USP34: variants seen among roughly 807,000 people sequenced by gnomAD.
The protein encoded by USP34 is ubiquitin specific peptidase 34, also known as ubiquitin carboxyl-terminal hydrolase 34.
Under a neutral mutation model 460.3 loss-of-function variants are expected in USP34, and 70 were observed. That is an observed-to-expected ratio of 0.15 (90% CI 0.13 to 0.19). The LOEUF is 0.19. USP34 is among the 10% of genes least tolerant of loss of function. The pLI, the probability that USP34 is intolerant of heterozygous loss-of-function variation, is 1.00. For missense variants in USP34, 3,985 were observed against 4,236.2 expected (o/e 0.94, Z 1.65); for synonymous variants, 1,647 against 1,405.3 (o/e 1.17, Z -3.85).
At chr2:61,212,023 ATTATACAAATAAGCTAGATTATAC>A in intron 68 of USP34, 94 bp from the exon 69 acceptor site, 1 of 1,322,526 alleles carries the variant, frequency 7.6e-7, no homozygotes, top group South Asian at 1.4e-5. Flanking sequence ...AACTCTTAAA[ATTATACAAATAAGCTAGATTATAC>A]TTCCATTCAG....
At chr2:61,406,850 C>CA (rs1022286412) in intron 2 of USP34, among the ~76,000 whole-genome samples, 1,977 of 142,062 alleles carry the variant, frequency 0.014, 38 homozygotes, top group African/African-American at 0.042. Flanking sequence ...ACTAAAAATG[C>CA]AAAAAAAAAA....
At chr2:61,247,690 T>C (rs1688453760) in intron 49 of USP34, among the ~76,000 whole-genome samples, 1 of 152,180 alleles carries the variant, frequency 6.6e-6, no homozygotes. Context: ...ACTGCACCTG[T>C]CTAATTTTTC....
chr2:61,248,924 T>C (rs1020528877), intron 48 of USP34, among the ~76,000 whole-genome samples: 2 of 152,214 alleles, frequency 1.3e-5, no homozygotes, highest in African/African-American at 2.4e-5. Context: ...AAAGCGAATT[T>C]AGAAATTAGG....
chr2:61,254,494 A>C (rs1234938952), intron 48 of USP34, among the ~76,000 whole-genome samples: 1 of 152,264 alleles, frequency 6.6e-6, no homozygotes, highest in Non-Finnish European at 1.5e-5. Context: ...AGGCTGGCCT[A>C]ATCCTAGATT....
intron 27 of USP34, among the ~76,000 whole-genome samples, chr2:61,310,059 C>T (rs1690540023): frequency 6.6e-6 from 1 of 152,012 alleles, no homozygotes; most frequent in East Asian, 1.9e-4. Context: ...ATTCAAAAAT[C>T]AAGACAGTGT....
chr2:61,394,870 T>A lies in USP34; in HGVS notation c.736A>T (p.Ile246Phe). Residue 246 changes from isoleucine to phenylalanine, a missense_variant, in exon 5 of 80, where the codon ATT (isoleucine) becomes TTT (phenylalanine). Around this residue, in one of 14 missense-constraint regions of USP34, gnomAD observed 331 missense variants for 293.7 expected, o/e 1.13. Transcript: ENST00000398571. ...ATACTTACATTAGACACAACTGTAA[T>A]AAACGCATGTGCTATAAGAAATGGC... ...TLPFLIAHAFITVVSNIRIWL... is the reference protein window; with the variant it reads ...TLPFLIAHAFFTVVSNIRIWL... 6.3e-7 allele frequency: 1 copy of A among 1,585,564 alleles called. No individual in the cohort carries two copies. Among genetic ancestry groups the A allele is most frequent in the Non-Finnish European group, 8.5e-7 (1 of 1,170,390 alleles).
chr2:61,452,385 C>T (rs2442030), intron 1 of USP34, among the ~76,000 whole-genome samples: 64,600 of 135,368 alleles, frequency 0.48, 15,184 homozygotes, highest in Middle Eastern at 0.57. Context: ...AGTGTAGTGG[C>T]GCGATCTCAG....
rs370536113 is a variant in USP34 at position 61,350,246 on chromosome 2, A to G, written c.1507+14T>C. 5.0e-6 allele frequency: 8 copies of G among 1,585,546 alleles called. No homozygotes were observed. Among genetic ancestry groups the G allele is most frequent in the South Asian group, 1.2e-5 (1 of 86,790 alleles). The stretch of plus-strand genomic sequence containing the variant: ...CTCTCAACAATTTACTTCAAAATAC[A>G]TGACATTACTAACCTTTCTTATTTC... On this transcript the variant is annotated intron_variant, in intron 12 of 79. Transcript: ENST00000398571.
At chr2:61,461,093 G>C (rs977688338) in intron 1 of USP34, among the ~76,000 whole-genome samples, 3 of 151,808 alleles carry the variant, frequency 2.0e-5, no homozygotes, top group Admixed American at 2.0e-4. Flanking sequence ...TTTGAATTTT[G>C]AAAGAAGGTA....
intron 3 of USP34, among the ~76,000 whole-genome samples, chr2:61,402,857 A>T (rs902920681): frequency 1.3e-5 from 2 of 152,170 alleles, no homozygotes; most frequent in African/African-American, 2.4e-5. Context: ...TATACATACA[A>T]AATTTATACA....
chr2:61,376,406 C>T (rs1692801472), intron 8 of USP34, among the ~76,000 whole-genome samples: 1 of 152,150 alleles, frequency 6.6e-6, no homozygotes, highest in Non-Finnish European at 1.5e-5. Flanking sequence ...ATGTATATTC[C>T]TTGCATTTGT....
chr2:61,301,514 A>G (rs1690224506), intron 27 of USP34, 60 bp from the exon 28 acceptor site: 1 of 1,438,864 alleles, frequency 6.9e-7, no homozygotes, highest in South Asian at 1.2e-5. Context: ...ACTTGCTGAT[A>G]AGAATATGTA....
chr2:61,401,676 G>A (rs2103922656), intron 3 of USP34, among the ~76,000 whole-genome samples: 1 of 148,048 alleles, frequency 6.8e-6, no homozygotes, highest in Middle Eastern at 3.4e-3. Flanking sequence ...AGCCTCCAGA[G>A]TAGCTGGGAC....
At chr2:61,461,966 G>T (rs375751494) in intron 1 of USP34, among the ~76,000 whole-genome samples, 1 of 152,082 alleles carries the variant, frequency 6.6e-6, no homozygotes, top group African/African-American at 2.4e-5. Flanking sequence ...TCAGCCAGAC[G>T]CGGTGGCTCA....
At chr2:61,445,352 A>C (rs960227072) in intron 1 of USP34, among the ~76,000 whole-genome samples, 1 of 150,386 alleles carries the variant, frequency 6.6e-6, no homozygotes, top group African/African-American at 2.4e-5. Context: ...TGGCTAACAC[A>C]GTGAAACCCC....
intron 1 of USP34, among the ~76,000 whole-genome samples, chr2:61,429,309 T>C (rs186838421): frequency 1.5e-4 from 23 of 152,194 alleles, no homozygotes; most frequent in Admixed American, 9.8e-4. Flanking sequence ...AAGCCAGGCA[T>C]GGTGGTGGGC....
In USP34 at chr2:61,470,720, CG is replaced by C; in HGVS notation, c.-29del. ...TTCGGCCGCCGCCCCCCCCCTCCCC[CG>C]CTTCGGATCACACTGACTGATCCCG... On this transcript the variant is annotated 5_prime_UTR_variant, in exon 1 of 80. Coordinates refer to ENST00000398571, the MANE Select transcript of USP34 (RefSeq NM_014709.4). 1 of 1,584,696 alleles carries C rather than the reference CG, an allele frequency of 6.3e-7. No individual in the cohort carries two copies. The highest frequency in any genetic ancestry group is 8.6e-7 in the Non-Finnish European group (1 of 1,163,804).
chr2:61,350,374 A>T lies in USP34; in HGVS notation c.1393T>A (p.Ser465Thr). Residue 465 changes from serine (S) to threonine (T), a missense_variant, in exon 12 of 80, where the codon TCC (serine) becomes ACC (threonine). Ser to Thr is a moderately conservative substitution (Grantham distance 58). Transcript: ENST00000398571. Reference protein sequence around the residue: ...VHTEQTLYLASMLIKALWNNA... With the variant: ...VHTEQTLYLATMLIKALWNNA... ...TTCCACAGTGCTTTAATTAACATGG[A>T]TGCCAAGTACAGTGTCTAAAAAAAA... 1 of 1,613,118 alleles carries T rather than the reference A, an allele frequency of 6.2e-7. No homozygotes were observed. The highest frequency in any genetic ancestry group is 1.1e-5 in the South Asian group (1 of 90,710).
chr2:61,455,863 C>T (rs1361999988), intron 1 of USP34, among the ~76,000 whole-genome samples: 5 of 152,122 alleles, frequency 3.3e-5, no homozygotes, highest in Non-Finnish European at 7.4e-5. Flanking sequence ...ATATCCTCAT[C>T]TCCAAATAAG....
Sources: gnomAD v4.1 joint callset for allele counts (sites outside exome capture counted in the v4.1 genomes callset) on GRCh38, gnomAD v4.1.1 for gene constraint, gnomAD v4.1.1 regional missense constraint, MANE v1.5 for transcripts, NCBI Gene and HGNC (gene_info 2026-07-23, HGNC 2026-07-21) for gene names.